Variants in EXOC6B observed in about 807,000 individuals in gnomAD.
The protein encoded by EXOC6B is SEC15 homolog B.
A neutral mutation model predicts 113.5 loss-of-function variants in EXOC6B; 54 were observed. The observed-to-expected ratio is 0.48, with a 90% CI of 0.38 to 0.60. The LOEUF is 0.60. Among genes scored for constraint, EXOC6B ranks in the 20% least tolerant of loss-of-function variants. The probability of loss-of-function intolerance (pLI) is 0.00; values close to 1 mark genes in which losing one functional copy is unlikely to be tolerated. For missense variants in EXOC6B, 797 were observed against 977.5 expected, an observed-to-expected ratio of 0.82 and a Z score of 2.46; for synonymous variants, 357 against 339.0, an observed-to-expected ratio of 1.05 and a Z score of -0.58.
intron 18 of EXOC6B, among the ~76,000 whole-genome samples, chr2:72,449,682 G>A (rs1696800296): frequency 6.6e-6 from 1 of 152,094 alleles, no homozygotes; most frequent in South Asian, 2.1e-4. Flanking sequence ...TAAGTTTAAT[G>A]TCTAATATGC....
chr2:72,202,764 T>A (rs1679565956), intron 20 of EXOC6B, among the ~76,000 whole-genome samples: 2 of 152,218 alleles, frequency 1.3e-5, no homozygotes, highest in Admixed American at 1.3e-4. Context: ...GTCCTTCTCA[T>A]CTAGTGACGA....
chr2:72,573,289 A>G (rs1039353797), intron 7 of EXOC6B, among the ~76,000 whole-genome samples: 3 of 152,214 alleles, frequency 2.0e-5, no homozygotes, highest in Admixed American at 6.5e-5. Context: ...CCCATAAGCC[A>G]CAGTATCTGA....
At chr2:72,258,281 G>A (rs1014614774) in intron 20 of EXOC6B, among the ~76,000 whole-genome samples, 2 of 151,512 alleles carry the variant, frequency 1.3e-5, no homozygotes, top group African/African-American at 4.9e-5. Flanking sequence ...GTTTTATCTT[G>A]ATGTTCTCAG....
At chr2:72,549,701 T>C (rs1438884518) in intron 8 of EXOC6B, among the ~76,000 whole-genome samples, 2 of 152,116 alleles carry the variant, frequency 1.3e-5, no homozygotes, top group South Asian at 2.1e-4. Flanking sequence ...ACTAAAGATA[T>C]AGGTTTGGAA....
intron 1 of EXOC6B, among the ~76,000 whole-genome samples, chr2:72,778,315 A>C (rs1683821864): frequency 6.6e-6 from 1 of 152,232 alleles, no homozygotes; most frequent in Non-Finnish European, 1.5e-5. Context: ...TAAGCAAACA[A>C]TAACCAAAAG....
intron 19 of EXOC6B, among the ~76,000 whole-genome samples, chr2:72,374,559 T>C (rs978968250): frequency 5.9e-5 from 9 of 151,826 alleles, no homozygotes; most frequent in Non-Finnish European, 1.2e-4. Context: ...AGCACAGTGT[T>C]GAGAGGGAAG....
chr2:72,222,576 G>A (rs955361302), intron 20 of EXOC6B, among the ~76,000 whole-genome samples: 1 of 152,046 alleles, frequency 6.6e-6, no homozygotes, highest in African/African-American at 2.4e-5. Flanking sequence ...GCTGGAGAGA[G>A]CACATAACCT....
At chr2:72,598,747 A>G (rs753167708) in intron 6 of EXOC6B, among the ~76,000 whole-genome samples, 11 of 152,112 alleles carry the variant, frequency 7.2e-5, no homozygotes, top group Non-Finnish European at 1.3e-4. Flanking sequence ...CATTAAAAGG[A>G]TAACAAAAGA....
intron 6 of EXOC6B, among the ~76,000 whole-genome samples, chr2:72,682,220 C>T (rs1423948982): frequency 6.6e-6 from 1 of 152,130 alleles, no homozygotes; most frequent in Non-Finnish European, 1.5e-5. Flanking sequence ...TTGAAAATAG[C>T]ATCTTTCCCA....
intron 18 of EXOC6B, among the ~76,000 whole-genome samples, chr2:72,412,705 G>C (rs937955852): frequency 1.3e-5 from 2 of 151,880 alleles, no homozygotes; most frequent in African/African-American, 2.4e-5. Context: ...TTTTCCCTAG[G>C]CTAAATAAAT....
intron 1 of EXOC6B, among the ~76,000 whole-genome samples, chr2:72,765,911 T>A (rs975345090): frequency 1.3e-5 from 2 of 152,012 alleles, no homozygotes; most frequent in Admixed American, 6.5e-5. Context: ...TTTTAGAGAA[T>A]CCCGGTACCT....
At chr2:72,341,556 A>C (rs1256991785) in intron 19 of EXOC6B, among the ~76,000 whole-genome samples, 1 of 152,196 alleles carries the variant, frequency 6.6e-6, no homozygotes, top group Non-Finnish European at 1.5e-5. Flanking sequence ...GAATCAATTC[A>C]TCAGGAGGAT....
chr2:72,494,912 G>C (rs1428738700), intron 15 of EXOC6B, among the ~76,000 whole-genome samples: 1 of 152,174 alleles, frequency 6.6e-6, no homozygotes, highest in Non-Finnish European at 1.5e-5. Context: ...AGCACGTATA[G>C]AAAATATACA....
At chr2:72,731,386 T>A in intron 3 of EXOC6B, 141 bp from the exon 4 acceptor site, 2 of 653,524 alleles carry the variant, frequency 3.1e-6, no homozygotes. Context: ...ACTAAGGAAC[T>A]GCCTTTCCTA....
chr2:72,734,186 C>T (rs1006190024), intron 2 of EXOC6B, among the ~76,000 whole-genome samples: 4 of 152,134 alleles, frequency 2.6e-5, no homozygotes, highest in African/African-American at 7.2e-5. Flanking sequence ...CTGCTCTGAA[C>T]GATACACTAT....
intron 6 of EXOC6B, among the ~76,000 whole-genome samples, chr2:72,616,622 A>G (rs1671400659): frequency 1.3e-5 from 2 of 152,192 alleles, no homozygotes; most frequent in Non-Finnish European, 2.9e-5. Context: ...TAAAACCATC[A>G]GATCTTGTGA....
chr2:72,621,331 A>G (rs80005531), intron 6 of EXOC6B, among the ~76,000 whole-genome samples: 1 of 152,220 alleles, frequency 6.6e-6, no homozygotes, highest in Non-Finnish European at 1.5e-5. Context: ...GCCATAAAAA[A>G]GAATGAAATT....
intron 20 of EXOC6B, among the ~76,000 whole-genome samples, chr2:72,235,078 C>T (rs1413729932): frequency 6.6e-6 from 1 of 152,102 alleles, no homozygotes. Context: ...AATCATCCTA[C>T]CATAAAGATG....
intron 18 of EXOC6B, among the ~76,000 whole-genome samples, chr2:72,419,313 T>C (rs1312552359): frequency 6.6e-6 from 1 of 152,206 alleles, no homozygotes; most frequent in Non-Finnish European, 1.5e-5. Context: ...TAAAATCATA[T>C]CTAAAACAAA....
Sources: allele counts gnomAD v4.1 joint callset (sites outside exome capture counted in the v4.1 genomes callset), GRCh38; gene constraint gnomAD v4.1.1; transcripts MANE v1.5; gene names NCBI Gene and HGNC (gene_info 2026-07-23, HGNC 2026-07-21).